The following PTPRD variants were observed in gnomAD, a reference collection of about 807,000 sequenced individuals.
PTPRD encodes protein tyrosine phosphatase receptor type D.
In PTPRD, 34 loss-of-function variants were observed where a neutral mutation model predicts 214.5. That is an observed-to-expected ratio of 0.16 (90% CI 0.12 to 0.21). PTPRD has a LOEUF of 0.21. Ranked by LOEUF, PTPRD falls within the 10% of genes least tolerant of loss-of-function variation. PTPRD has a pLI of 1.00. For synonymous variants in PTPRD, 1,128 were observed against 845.7 expected (o/e 1.33, Z -5.79); for missense variants, 2,545 against 2,398.7 (o/e 1.06, Z -1.27).
At chr9:8,437,367 T>C (rs1056370394) in intron 34 of PTPRD, 1 of 706,786 alleles carries the variant, frequency 1.4e-6, no homozygotes, top group Non-Finnish European at 2.3e-6. Flanking sequence ...CAGAATTCAC[T>C]ATACATTGTG....
chr9:9,915,579 CAATT>C (rs1485046099), intron 5 of PTPRD, among the ~76,000 whole-genome samples: 1 of 149,402 alleles, frequency 6.7e-6, no homozygotes, highest in East Asian at 2.0e-4. Context: ...CTGAATAATT[CAATT>C]AATTTAAAAA....
intron 2 of PTPRD, among the ~76,000 whole-genome samples, chr9:10,374,793 A>C (rs1350703311): frequency 1.3e-5 from 2 of 151,976 alleles, no homozygotes; most frequent in Non-Finnish European, 2.9e-5. Context: ...GTAATCAGTT[A>C]ATTTTGGTGG....
chr9:9,943,572 C>T (rs1440463659), intron 4 of PTPRD, among the ~76,000 whole-genome samples: 1 of 151,944 alleles, frequency 6.6e-6, no homozygotes, highest in Non-Finnish European at 1.5e-5. Flanking sequence ...TGTAATTAAG[C>T]AAATAATATG....
chr9:10,430,209 T>A (rs1481826316), intron 2 of PTPRD, among the ~76,000 whole-genome samples: 1 of 151,966 alleles, frequency 6.6e-6, no homozygotes, highest in African/African-American at 2.4e-5. Flanking sequence ...TTTTCCTTCT[T>A]ATAAAATGTT....
intron 11 of PTPRD, among the ~76,000 whole-genome samples, chr9:8,843,068 A>T (rs1277899004): frequency 6.6e-6 from 1 of 152,130 alleles, no homozygotes; most frequent in Admixed American, 6.5e-5. Context: ...TTCCAACTAT[A>T]TTGCCACTCC....
At chr9:9,543,903 C>G (rs2078165655) in intron 8 of PTPRD, among the ~76,000 whole-genome samples, 1 of 151,624 alleles carries the variant, frequency 6.6e-6, no homozygotes, top group Admixed American at 6.6e-5. Context: ...ATATTAGAAG[C>G]TACCATTTTC....
chr9:8,680,926 T>C lies in PTPRD; in HGVS notation c.65-44082A>G, dbSNP rs80261015. Reference sequence around the variant, plus strand: ...TTCAGGGCCCTGGAAGAAGATATGCTGTGAAAGCAGCAGCAACACAATGGA... The same window carrying C: ...TTCAGGGCCCTGGAAGAAGATATGCCGTGAAAGCAGCAGCAACACAATGGA... On this transcript the variant is annotated intron_variant, in intron 12 of 45. Coordinates refer to ENST00000381196, the MANE Select transcript of PTPRD (RefSeq NM_002839.4). 6.0e-3 allele frequency among the ~76,000 whole-genome samples: 907 copies of C among 152,270 alleles called. 9 individuals are homozygous for C. The highest frequency in any genetic ancestry group is 0.018 in the African/African-American group (731 of 41,540).
intron 7 of PTPRD, among the ~76,000 whole-genome samples, chr9:9,656,358 C>T (rs2096513528): frequency 6.6e-6 from 1 of 152,062 alleles, no homozygotes; most frequent in Admixed American, 6.5e-5. Flanking sequence ...TTGGAAACTC[C>T]AAGATGTCCT....
At chr9:10,506,157 C>T (rs1023928997) in intron 2 of PTPRD, among the ~76,000 whole-genome samples, 3 of 152,066 alleles carry the variant, frequency 2.0e-5, no homozygotes, top group Non-Finnish European at 4.4e-5. Flanking sequence ...TCCAGAAGAA[C>T]AGATGGGTAA....
chr9:9,121,941 T>C (rs1392031423), intron 10 of PTPRD, among the ~76,000 whole-genome samples: 1 of 152,210 alleles, frequency 6.6e-6, no homozygotes, highest in East Asian at 1.9e-4. Flanking sequence ...TTTTGTAGTC[T>C]ACAAGCCCAA....
intron 11 of PTPRD, among the ~76,000 whole-genome samples, chr9:8,937,342 CT>C (rs965557319): frequency 6.6e-6 from 1 of 152,102 alleles, no homozygotes; most frequent in Non-Finnish European, 1.5e-5. Context: ...ATCAGATTCC[CT>C]TTCTTATAAA....
chr9:9,489,695 A>T (rs909120027), intron 8 of PTPRD, among the ~76,000 whole-genome samples: 1 of 152,164 alleles, frequency 6.6e-6, no homozygotes. Context: ...TTGAAATAGG[A>T]CAAAAAATAT....
At chr9:10,063,056 T>G (rs2097803494) in intron 3 of PTPRD, among the ~76,000 whole-genome samples, 1 of 152,078 alleles carries the variant, frequency 6.6e-6, no homozygotes, top group African/African-American at 2.4e-5. Context: ...GCCAATAAAT[T>G]GATGTCATTT....
At chr9:9,381,628 C>G (rs1169197635) in intron 9 of PTPRD, among the ~76,000 whole-genome samples, 1 of 152,020 alleles carries the variant, frequency 6.6e-6, no homozygotes, top group African/African-American at 2.4e-5. Context: ...GCTGAGATTA[C>G]AGGTGTGGGC....
chr9:8,723,396 C>T (rs1197441369), intron 12 of PTPRD, among the ~76,000 whole-genome samples: 2 of 152,222 alleles, frequency 1.3e-5, no homozygotes, highest in Admixed American at 6.5e-5. Flanking sequence ...TGCTGTTTTA[C>T]GATCTTTGCA....
chr9:10,497,647 T>C (rs2042466635), intron 2 of PTPRD, among the ~76,000 whole-genome samples: 1 of 152,048 alleles, frequency 6.6e-6, no homozygotes, highest in African/African-American at 2.4e-5. Flanking sequence ...CAATGGCGGA[T>C]ATGCTAAATT....
intron 7 of PTPRD, among the ~76,000 whole-genome samples, chr9:9,658,897 G>T (rs765072875): frequency 6.6e-6 from 1 of 152,076 alleles, no homozygotes; most frequent in Non-Finnish European, 1.5e-5. Context: ...GGTAATAAGA[G>T]TTAGAGCCTA....
chr9:9,067,170 C>G (rs1028588910), intron 10 of PTPRD, among the ~76,000 whole-genome samples: 3 of 152,164 alleles, frequency 2.0e-5, no homozygotes, highest in Non-Finnish European at 4.4e-5. Flanking sequence ...GTGGAGGTTA[C>G]AGTGAGCCTA....
intron 12 of PTPRD, among the ~76,000 whole-genome samples, chr9:8,657,019 C>T (rs1279039532): frequency 6.6e-6 from 1 of 152,000 alleles, no homozygotes; most frequent in East Asian, 1.9e-4. Context: ...TAATAATTAC[C>T]AATCTGACTG....
Sources: allele counts gnomAD v4.1 joint callset (sites outside exome capture counted in the v4.1 genomes callset), GRCh38; gene constraint gnomAD v4.1.1; transcripts MANE v1.5; gene names NCBI Gene and HGNC (gene_info 2026-07-23, HGNC 2026-07-21).